The following KCNQ2 variants were observed in gnomAD, a reference collection of about 807,000 sequenced individuals.
KCNQ2 encodes potassium voltage-gated channel subfamily KQT member 2.
Under a neutral mutation model 84.8 loss-of-function variants are expected in KCNQ2, and 14 were observed. That is an observed-to-expected ratio of 0.17 (90% CI 0.11 to 0.26). The LOEUF is 0.26. Among genes scored for constraint, KCNQ2 ranks in the 10% least tolerant of loss-of-function variants. The pLI is 1.00. For synonymous variants in KCNQ2, 599 were observed against 554.1 expected (o/e 1.08, Z -1.14); for missense variants, 788 against 1,254.0 (o/e 0.63, Z 5.61).
intron 8 of KCNQ2, among the ~76,000 whole-genome samples, chr20:63,432,065 C>A (rs1263452452): frequency 6.6e-6 from 1 of 151,248 alleles, no homozygotes; most frequent in South Asian, 2.1e-4. Context: ...GGGAAGACTC[C>A]ACCCACAGGG....
intron 1 of KCNQ2, among the ~76,000 whole-genome samples, chr20:63,470,443 T>C (rs2082188311): frequency 6.6e-6 from 1 of 152,142 alleles, no homozygotes; most frequent in South Asian, 2.1e-4. Flanking sequence ...GTCCCCATGC[T>C]TTGCCCCAGT....
rs1300851493 is a variant in KCNQ2, at chr20:63,444,823, G to C, written c.526C>G (p.Leu176Val). 6.3e-7 allele frequency: 1 copy of C among 1,599,402 alleles called. No homozygotes were observed. Among genetic ancestry groups the C allele is most frequent in the Non-Finnish European group, 8.5e-7 (1 of 1,171,516 alleles). Reference sequence around the variant, plus strand: ...GCCAGCACCGCAATGGAGGCGATGAGCACCATGATGTCTACAAAGCGGGCG... The same window carrying C: ...GCCAGCACCGCAATGGAGGCGATGACCACCATGATGTCTACAAAGCGGGCG... ...KPFCVIDIMVLIASIAVLAAG... is the reference protein window; with the variant it reads ...KPFCVIDIMVVIASIAVLAAG... Residue 176 changes from leucine (L) to valine (V), a missense_variant, in exon 4 of 17, where the codon CTC (leucine) becomes GTC (valine). Around this residue, in one of 8 missense-constraint regions of KCNQ2, gnomAD observed 106 missense variants for 214.8 expected, o/e 0.49. Transcript: ENST00000359125.
intron 8 of KCNQ2, 96 bp downstream of exon 8, chr20:63,433,709 AAATC>A: frequency 1.9e-6 from 3 of 1,599,742 alleles, no homozygotes; most frequent in Non-Finnish European, 2.6e-6. Context: ...TAAAGAAAAA[AAATC>A]AATCAAAATA....
chr20:63,432,704 G>C (rs1466210779), intron 8 of KCNQ2, among the ~76,000 whole-genome samples: 17 of 146,716 alleles, frequency 1.2e-4, no homozygotes. Flanking sequence ...CCACCCTCTG[G>C]GAAGGCCCCA....
At chr20:63,434,842 T>G (rs964812316) in intron 7 of KCNQ2, 3 of 152,250 alleles carry the variant, frequency 2.0e-5, no homozygotes, top group African/African-American at 7.2e-5. Flanking sequence ...TAATAGACAT[T>G]TCAGCTGTTT....
intron 1 of KCNQ2, among the ~76,000 whole-genome samples, chr20:63,455,411 G>A (rs867191600): frequency 1.6e-4 from 24 of 152,232 alleles, no homozygotes; most frequent in Middle Eastern, 3.4e-3. Context: ...CGCGGGCGTC[G>A]GCTGGGGCTC....
At position 63,408,286 on chromosome 20, in the gene KCNQ2, G is replaced by A; in HGVS notation, c.1887+127C>T. The A allele has an allele frequency of 8.4e-7, 1 of 1,188,172 alleles. No homozygotes were observed. The highest frequency in any genetic ancestry group is 1.5e-5 in the African/African-American group (1 of 66,614). 73.6% of individuals were successfully genotyped at this position (1,188,172 alleles called of 1,614,324 possible). ...ACAGAGCAGCTGTCAGTGGTGACAG[G>A]GCCATGTAAACCCTAGACTTGAGGA... On this transcript the variant is annotated intron_variant, in intron 16 of 16. Transcript: ENST00000359125. This position sits in a 1 kb window ranked among gnomAD's most constrained non-coding sequence, Gnocchi z 5.0.
chr20:63,416,725 A>T (rs1272521624), intron 12 of KCNQ2, among the ~76,000 whole-genome samples: 1 of 152,096 alleles, frequency 6.6e-6, no homozygotes, highest in East Asian at 1.9e-4. Flanking sequence ...AGCAGCCACC[A>T]TCAGCCCCGA....
intron 2 of KCNQ2, 48 bp from the exon 3 acceptor site, chr20:63,445,412 T>C (rs1252501877): frequency 6.2e-7 from 1 of 1,606,638 alleles, no homozygotes; most frequent in Non-Finnish European, 8.5e-7. Context: ...GGGGAGGGCC[T>C]GGGGGCCCAG....
At chr20:63,442,812 C>CCACCAT (rs1568934623) in intron 4 of KCNQ2, among the ~76,000 whole-genome samples, 1 of 80,746 alleles carries the variant, frequency 1.2e-5, no homozygotes. Flanking sequence ...ACCATTACCA[C>CCACCAT]CACCATCACC....
chr20:63,443,380 C>T (rs2081306941), intron 4 of KCNQ2, among the ~76,000 whole-genome samples: 1 of 98,052 alleles, frequency 1.0e-5, no homozygotes, highest in African/African-American at 3.5e-5. Context: ...TCACCACCAT[C>T]ATCACCACCA....
chr20:63,423,797 C>T (rs899014625), intron 11 of KCNQ2: 8 of 285,010 alleles, frequency 2.8e-5, no homozygotes, highest in African/African-American at 6.6e-5. Flanking sequence ...CAGCCGGCGT[C>T]GACTCAGGCC....
intron 5 of KCNQ2, among the ~76,000 whole-genome samples, chr20:63,442,125 C>G (rs1359127216): frequency 1.3e-5 from 2 of 151,916 alleles, no homozygotes; most frequent in Non-Finnish European, 2.9e-5. Flanking sequence ...GAGGGTCACT[C>G]AGGAGGAAGG....
chr20:63,450,509 G>A (rs192036511), intron 1 of KCNQ2, among the ~76,000 whole-genome samples: 431 of 3,592 alleles, frequency 0.12, 5 homozygotes, highest in African/African-American at 0.3. Flanking sequence ...TCACCCCTGG[G>A]GGCAGAGCCC....
intron 1 of KCNQ2, among the ~76,000 whole-genome samples, chr20:63,457,340 C>T (rs372690775): frequency 5.1e-4 from 78 of 152,342 alleles, no homozygotes; most frequent in African/African-American, 1.7e-3. Flanking sequence ...GGGGCAGGGA[C>T]GGGAGGTGAC....
chr20:63,407,649 G>T lies in KCNQ2; in HGVS notation c.1888-274C>A, dbSNP rs1416123474. Among the ~76,000 whole-genome samples, 1 of 150,792 alleles carries T rather than the reference G, an allele frequency of 6.6e-6. No homozygotes were observed. Among genetic ancestry groups the T allele is most frequent in the African/African-American group, 2.4e-5 (1 of 40,968 alleles). On this transcript the variant is annotated intron_variant, in intron 16 of 16. Transcript: ENST00000359125. The surrounding 1 kb of genome is among the most constrained non-coding windows in gnomAD (Gnocchi z 7.2). ...GGGACCCAGGCTAGTCCCAGGAAAT[G>T]GGGGGGACCCAGGCTGGTCCTAGGA...
rs1437417304 is a variant in KCNQ2, at chr20:63,402,084, G to A, written c.*4560C>T. The A allele has an allele frequency of 1.3e-5, 2 of 153,076 alleles. No individual in the cohort carries two copies. Among genetic ancestry groups the A allele is most frequent in the Non-Finnish European group, 2.7e-5 (2 of 75,120 alleles). 9.5% of individuals were successfully genotyped at this position (153,076 alleles called of 1,614,324 possible). A position where few individuals can be genotyped will look rare whatever the true frequency, so the allele number is the denominator to read the frequency against. On this transcript the variant is annotated 3_prime_UTR_variant, in exon 17 of 17. Coordinates refer to ENST00000359125, the MANE Select transcript of KCNQ2 (RefSeq NM_172107.4). ...GTCTGCCGGGCACCCTCCATGGCAG[G>A]TCCAAGCCCTGTGAGCCGTCCCTCT... is the stretch of plus-strand genomic sequence containing the variant.
intron 7 of KCNQ2, among the ~76,000 whole-genome samples, chr20:63,436,129 G>A (rs1260284169): frequency 1.3e-5 from 2 of 152,208 alleles, no homozygotes; most frequent in African/African-American, 4.8e-5. Flanking sequence ...GATGCTGAAA[G>A]GAGGTCCACT....
At chr20:63,440,610 G>A (rs1037535468) in intron 5 of KCNQ2, among the ~76,000 whole-genome samples, 2 of 152,200 alleles carry the variant, frequency 1.3e-5, no homozygotes, top group Admixed American at 1.3e-4. Flanking sequence ...AGGCCTGAGC[G>A]CAGACAGCAG....
Sources: gnomAD v4.1 joint callset for allele counts (sites outside exome capture counted in the v4.1 genomes callset) on GRCh38, gnomAD v4.1.1 for gene constraint, gnomAD v4.1.1 regional missense constraint, Gnocchi (gnomAD v3.1) non-coding constraint, MANE v1.5 for transcripts, NCBI Gene and HGNC (gene_info 2026-07-23, HGNC 2026-07-21) for gene names.